DCAF6: variants seen among roughly 807,000 people sequenced by gnomAD.
The protein encoded by DCAF6 is DDB1- and CUL4-associated factor 6.
DCAF6 carries 54 observed loss-of-function variants against 125.1 expected under a neutral mutation model. The ratio of observed to expected loss-of-function variants is 0.43; its 90% CI spans 0.35 to 0.54. DCAF6 has a LOEUF of 0.54. Ranked by LOEUF, DCAF6 falls within the 20% of genes least tolerant of loss-of-function variation. The pLI is 0.01. For missense variants in DCAF6, 934 were observed against 1,161.7 expected (o/e 0.80, Z 2.85); for synonymous variants, 371 against 390.4 (o/e 0.95, Z 0.58).
At chr1:168,060,696 A>C in intron 17 of DCAF6, among the ~76,000 whole-genome samples, 1 of 152,276 alleles carries the variant, frequency 6.6e-6, no homozygotes, top group Non-Finnish European at 1.5e-5. Flanking sequence ...GTCCAAGACC[A>C]GCCTGGTCAA....
chr1:167,901,662 C>T, the DCAF6 span: 1 of 1,614,064 alleles, frequency 6.2e-7, no homozygotes, highest in East Asian at 2.2e-5. Context: ...AAATGCTTAC[C>T]TATCTTGACT....
At chr1:167,954,698 C>G (rs926684796) in intron 2 of DCAF6, among the ~76,000 whole-genome samples, 2 of 152,022 alleles carry the variant, frequency 1.3e-5, no homozygotes, top group Non-Finnish European at 2.9e-5. Flanking sequence ...ATGATCCGCC[C>G]GCCTCTGCCT....
At chr1:168,027,695 G>A (rs1686521975) in intron 12 of DCAF6, among the ~76,000 whole-genome samples, 1 of 151,978 alleles carries the variant, frequency 6.6e-6, no homozygotes, top group Non-Finnish European at 1.5e-5. Flanking sequence ...GGACAAAAAT[G>A]TTACTAATAA....
the DCAF6 span, chr1:167,896,492 G>A: frequency 1.1e-6 from 1 of 912,696 alleles, no homozygotes; most frequent in Non-Finnish European, 1.8e-6. Context: ...ACCAGGAGCT[G>A]TGTTGAGGAG....
the DCAF6 span, among the ~76,000 whole-genome samples, chr1:167,925,470 T>TATATATATAC: frequency 4.6e-4 from 50 of 107,766 alleles, no homozygotes; most frequent in East Asian, 0.011. Context: ...TATATATATA[T>TATATATATAC]ATATACATAT....
the DCAF6 span, chr1:167,920,078 G>A: frequency 6.2e-7 from 1 of 1,608,776 alleles, no homozygotes; most frequent in Non-Finnish European, 8.5e-7. Flanking sequence ...TGAGTATCTT[G>A]ACCAAATAAA....
the DCAF6 span, among the ~76,000 whole-genome samples, chr1:167,896,416 G>A: frequency 6.6e-6 from 1 of 152,128 alleles, no homozygotes; most frequent in African/African-American, 2.4e-5. Flanking sequence ...ATGGTGTGGG[G>A]AGTGTCATAC....
chr1:167,971,704 A>G (rs1677334531), intron 3 of DCAF6, among the ~76,000 whole-genome samples: 1 of 152,186 alleles, frequency 6.6e-6, no homozygotes, highest in South Asian at 2.1e-4. Flanking sequence ...GCAATTATCA[A>G]TATGTTATTT....
At chr1:167,880,550 A>T in the DCAF6 span, 1 of 1,614,184 alleles carries the variant, frequency 6.2e-7, no homozygotes, top group Non-Finnish European at 8.5e-7. Flanking sequence ...CCAGAGCATG[A>T]GTGAGCTCGT....
At chr1:167,978,963 A>C (rs971040588) in intron 4 of DCAF6, among the ~76,000 whole-genome samples, 1 of 152,126 alleles carries the variant, frequency 6.6e-6, no homozygotes, top group African/African-American at 2.4e-5. Flanking sequence ...GATGAAGAAA[A>C]GTATTTAATG....
At chr1:167,995,123 T>C (rs759801607) in intron 7 of DCAF6, among the ~76,000 whole-genome samples, 2 of 152,204 alleles carry the variant, frequency 1.3e-5, no homozygotes, top group Non-Finnish European at 2.9e-5. Flanking sequence ...TTGTTACTGC[T>C]ATGCAAATTT....
At chr1:167,894,681 A>G in the DCAF6 span, among the ~76,000 whole-genome samples, 1 of 152,124 alleles carries the variant, frequency 6.6e-6, no homozygotes, top group Non-Finnish European at 1.5e-5. Context: ...TAATAAAACC[A>G]TAACTGTAAG....
At chr1:168,074,946 A>G (rs1440539009) in intron 21 of DCAF6, among the ~76,000 whole-genome samples, 1 of 152,216 alleles carries the variant, frequency 6.6e-6, no homozygotes, top group African/African-American at 2.4e-5. Context: ...TTTTATCACA[A>G]TGCCTGGAAC....
At position 168,068,372 on chromosome 1, in the gene DCAF6, C is replaced by T. The variant is rs199583522; in HGVS notation, c.2700C>T (p.Asn900=). The change falls in exon 21 of 22, where the codon AAC becomes AAT. Residue 900 remains asparagine (N), a synonymous_variant. Coordinates refer to ENST00000367840, the MANE Select transcript of DCAF6 (RefSeq NM_001198956.2). The part of the protein sequence containing the change: ...RKLADEVITR[N]ELMLEETRNT... ...TTGCCTTGTAGGTTATAACTCGAAA[C>T]GAACTCATGCTGGAAGAAACTAGAA... is the stretch of plus-strand genomic sequence containing the variant. The T allele has an allele frequency of 4.4e-5, 70 of 1,604,326 alleles. No individual in the cohort carries two copies. Among genetic ancestry groups the T allele is most frequent in the African/African-American group, 5.4e-5 (4 of 74,380 alleles).
chr1:167,987,662 A>T, intron 5 of DCAF6, 54 bp downstream of exon 5: 1 of 909,020 alleles, frequency 1.1e-6, no homozygotes, highest in East Asian at 2.6e-5. Flanking sequence ...GTTATAATTA[A>T]AATTGGTTAT....
At chr1:168,063,540 T>TA (rs1206331415) in intron 17 of DCAF6, 81 bp from the exon 18 acceptor site, 332 of 1,214,334 alleles carry the variant, frequency 2.7e-4, no homozygotes, top group Non-Finnish European at 3.4e-4. Flanking sequence ...TTCCTAGACT[T>TA]ACTATATTTT....
Position 168,043,143 on chromosome 1 carries a change from A to T in DCAF6, c.1843+3A>T. ...ACCAGAAGGAGACAGTGAAACAAGTAAGGTGTTATTTTGCTTTTGTTGTTA... is the reference window on the plus strand; with the variant it reads ...ACCAGAAGGAGACAGTGAAACAAGTTAGGTGTTATTTTGCTTTTGTTGTTA... On this transcript the variant is annotated splice_donor_region_variant and intron_variant, in intron 14 of 21. Transcript: ENST00000367840. 2 of 1,607,196 alleles carry T rather than the reference A, an allele frequency of 1.2e-6. No individual in the cohort carries two copies. The highest frequency in any genetic ancestry group is 1.1e-5 in the South Asian group (1 of 90,396).
the DCAF6 span, among the ~76,000 whole-genome samples, chr1:167,876,582 G>C: frequency 6.6e-6 from 1 of 152,128 alleles, no homozygotes; most frequent in African/African-American, 2.4e-5. Context: ...TGAGTTTTCT[G>C]GGCAGGAACT....
chr1:167,870,618 C>A, the DCAF6 span, among the ~76,000 whole-genome samples: 2 of 146,370 alleles, frequency 1.4e-5, no homozygotes, highest in Non-Finnish European at 3.0e-5. Flanking sequence ...CATGATGAAA[C>A]CCTGCCTCTA....
Sources: allele counts gnomAD v4.1 joint callset (sites outside exome capture counted in the v4.1 genomes callset), GRCh38; gene constraint gnomAD v4.1.1; transcripts MANE v1.5; gene names NCBI Gene and HGNC (gene_info 2026-07-23, HGNC 2026-07-21).